Variants in BTBD3 observed in about 807,000 individuals in gnomAD.
The protein encoded by BTBD3 is BTB domain containing 3, also known as BTB/POZ domain-containing protein 3.
A neutral mutation model predicts 41.6 loss-of-function variants in BTBD3; 14 were observed. That is an observed-to-expected ratio of 0.34 (90% CI 0.22 to 0.53). BTBD3 has a LOEUF of 0.53. Ranked by LOEUF, BTBD3 falls within the 20% of genes least tolerant of loss-of-function variation. The pLI is 0.95. For synonymous variants in BTBD3, 249 were observed against 233.7 expected (o/e 1.07, Z -0.60); for missense variants, 426 against 654.7 (o/e 0.65, Z 3.81).
chr20:11,898,508 CTATT>C (rs912518995), intron 1 of BTBD3, among the ~76,000 whole-genome samples: 11 of 152,164 alleles, frequency 7.2e-5, no homozygotes, highest in African/African-American at 2.4e-4. Flanking sequence ...TTCTAAGTTA[CTATT>C]TATTTGTCTA....
In BTBD3 at chr20:11,922,662, G is replaced by A. The variant is rs376461626; in HGVS notation, c.565G>A (p.Ala189Thr). 65 of 1,613,488 alleles carry A rather than the reference G, an allele frequency of 4.0e-5. 3 individuals carry two copies. In the South Asian group the frequency reaches 6.4e-4, roughly 16 times the overall value. ...KYIYCDEIDL[A>T]ADTVLATLYA... ...TATCTATTGTGATGAAATTGACTTG[G>A]CTGCTGACACAGTGCTGGCCACACT... is the stretch of plus-strand genomic sequence containing the variant. The change falls in exon 4 of 4, where the codon GCT becomes ACT. Residue 189 changes from alanine to threonine, a missense_variant. This residue lies in a region of BTBD3 where 321 missense variants were observed against 534.8 expected (regional missense o/e 0.60). Coordinates refer to ENST00000378226, the MANE Select transcript of BTBD3 (RefSeq NM_014962.4).
chr20:11,900,478 G>A (rs1328563140), intron 1 of BTBD3, among the ~76,000 whole-genome samples: 1 of 152,090 alleles, frequency 6.6e-6, no homozygotes, highest in Non-Finnish European at 1.5e-5. Flanking sequence ...GTCTTTTAAT[G>A]CCACCTAATT....
At chr20:11,914,209 T>C (rs921755613), upstream of BTBD3, among the ~76,000 whole-genome samples, 1 of 152,184 alleles carries the variant, frequency 6.6e-6, no homozygotes, top group African/African-American at 2.4e-5. Flanking sequence ...GTGGGTGATG[T>C]TTCTGGGTTA....
chr20:11,895,696 T>C (rs1299399104), intron 1 of BTBD3, among the ~76,000 whole-genome samples: 2 of 152,224 alleles, frequency 1.3e-5, no homozygotes, highest in African/African-American at 2.4e-5. Context: ...TGCTAGGTTC[T>C]AGGATTGTCT....
intron 1 of BTBD3, chr20:11,918,875 A>G: frequency 1.8e-6 from 1 of 570,084 alleles, no homozygotes; most frequent in Non-Finnish European, 3.0e-6. Flanking sequence ...GCTTTATTAA[A>G]AGTTTGTATA....
chr20:11,910,212 C>T (rs2056880713), intron 1 of BTBD3: 1 of 144,322 alleles, frequency 6.9e-6, no homozygotes, highest in Non-Finnish European at 1.5e-5. Flanking sequence ...TGGTGACTAT[C>T]TTTCGAATAT....
Position 11,895,436 on chromosome 20 carries a change from A to G in BTBD3, c.-126+4482A>G, listed in dbSNP as rs201442378. Reference sequence around the variant, plus strand: ...CCCCCATCCCTTACTCTCCCTCCCCAGTGGCAGCTACTTTGGATTGTTTAC... The same window carrying G: ...CCCCCATCCCTTACTCTCCCTCCCCGGTGGCAGCTACTTTGGATTGTTTAC... On this transcript the variant is annotated intron_variant, in intron 1 of 4. Transcript: ENST00000254977. 3.3e-5 allele frequency among the ~76,000 whole-genome samples: 5 copies of G among 152,048 alleles called. No individual in the cohort carries two copies. In the East Asian group the frequency reaches 9.6e-4, roughly 29 times the overall value.
At position 11,895,984 on chromosome 20, in the gene BTBD3, A is replaced by T. The variant is rs548266563; in HGVS notation, c.-126+5030A>T. Among the ~76,000 whole-genome samples, 238 of 152,252 alleles carry T rather than the reference A, an allele frequency of 1.6e-3. 1 individual carries two copies. The highest frequency in any genetic ancestry group is 3.1e-3 in the Non-Finnish European group (211 of 68,014). The stretch of plus-strand genomic sequence containing the variant: ...TTGGGTCTCTATGTCTTCTAGAAAG[A>T]TCTCTTACTGTCACTTAAGTGGGGT... On this transcript the variant is annotated intron_variant, in intron 1 of 4. Transcript: ENST00000254977.
At chr20:11,893,396 T>A (rs1254337303) in intron 1 of BTBD3, among the ~76,000 whole-genome samples, 1 of 152,220 alleles carries the variant, frequency 6.6e-6, no homozygotes, top group East Asian at 1.9e-4. Context: ...CCATTTACTG[T>A]GAGAAAGGAA....
At chr20:11,905,569 G>A (rs995777131) in intron 1 of BTBD3, among the ~76,000 whole-genome samples, 1 of 152,142 alleles carries the variant, frequency 6.6e-6, no homozygotes, top group Admixed American at 6.6e-5. Context: ...CCGTTTTACC[G>A]CTATGCGTAA....
chr20:11,898,473 T>G (rs1176558225), intron 1 of BTBD3, among the ~76,000 whole-genome samples: 2 of 152,254 alleles, frequency 1.3e-5, no homozygotes, highest in Middle Eastern at 3.2e-3. Context: ...GCTCTGCATT[T>G]TATTTTTCCG....
chr20:11,908,321 G>GTTTTTTTTTTTTTTTTTTT (rs3834758), intron 1 of BTBD3, among the ~76,000 whole-genome samples: 1 of 77,072 alleles, frequency 1.3e-5, no homozygotes, highest in African/African-American at 4.9e-5. Flanking sequence ...CTTCTCTGTG[G>GTTTTTTTTTTTTTTTTTTT]TTTTTTTTTT....
chr20:11,922,757 G>C lies in BTBD3; in HGVS notation c.660G>C (p.Leu220=). 1.2e-6 allele frequency: 2 copies of C among 1,614,228 alleles called. No individual in the cohort carries two copies. The highest frequency in any genetic ancestry group is 1.7e-6 in the Non-Finnish European group (2 of 1,180,044). The change falls in exon 4 of 4, where the codon CTG becomes CTC. Residue 220 remains leucine (L), a synonymous_variant. Coordinates refer to ENST00000378226, the MANE Select transcript of BTBD3 (RefSeq NM_014962.4). ...RACVNFLETS[L]SAKNACVLLS... is the part of the protein sequence containing the mutation. ...GTGTTAATTTCCTGGAGACCAGCCT[G>C]AGTGCCAAGAATGCCTGTGTGCTCC...
intron 1 of BTBD3, among the ~76,000 whole-genome samples, chr20:11,909,064 C>CA (rs1286387978): frequency 3.3e-5 from 5 of 151,790 alleles, no homozygotes; most frequent in Non-Finnish European, 5.9e-5. Flanking sequence ...CACATGAGGT[C>CA]GGGAGTTTGA....
intron 1 of BTBD3, among the ~76,000 whole-genome samples, chr20:11,898,293 C>T (rs755515637): frequency 1.6e-4 from 25 of 152,162 alleles, no homozygotes; most frequent in South Asian, 4.1e-4. Flanking sequence ...AATCCTTGAA[C>T]GTGGCAGGCA....
intron 1 of BTBD3, among the ~76,000 whole-genome samples, chr20:11,904,402 C>T (rs1001377979): frequency 6.6e-5 from 10 of 152,170 alleles, no homozygotes; most frequent in Non-Finnish European, 1.2e-4. Flanking sequence ...AGTCACCTCC[C>T]ACCAGGTCCC....
At chr20:11,919,505 A>G (rs908231906) in intron 2 of BTBD3, 1 of 1,222,682 alleles carries the variant, frequency 8.2e-7, no homozygotes. Context: ...ATGAGGGGAC[A>G]TGTGCATTAA....
chr20:11,897,041 A>G (rs1347520170), intron 1 of BTBD3, among the ~76,000 whole-genome samples: 1 of 152,108 alleles, frequency 6.6e-6, no homozygotes, highest in Non-Finnish European at 1.5e-5. Flanking sequence ...TCTTGAGGAC[A>G]CCACACACTG....
intron 3 of BTBD3, among the ~76,000 whole-genome samples, chr20:11,920,232 G>A (rs1475657975): frequency 6.6e-6 from 1 of 152,212 alleles, no homozygotes; most frequent in Non-Finnish European, 1.5e-5. Context: ...CCTTATTTAA[G>A]TAACACCAGT....
Sources: gnomAD v4.1 joint callset for allele counts (sites outside exome capture counted in the v4.1 genomes callset) on GRCh38, gnomAD v4.1.1 for gene constraint, gnomAD v4.1.1 regional missense constraint, MANE v1.5 for transcripts, NCBI Gene and HGNC (gene_info 2026-07-23, HGNC 2026-07-21) for gene names.